GLRX5: variants seen among roughly 807,000 people sequenced by gnomAD.
The protein encoded by GLRX5 is glutaredoxin 5.
GLRX5 carries 10 observed loss-of-function variants against 13.8 expected under a neutral mutation model. That is an observed-to-expected ratio of 0.72 (90% CI 0.45 to 1.23). The LOEUF (loss-of-function observed/expected upper bound fraction) is 1.23. GLRX5 is among the 50% of genes most tolerant of loss of function. The pLI is 0.00. For missense variants in GLRX5, 233 were observed against 215.2 expected (o/e 1.08, Z -0.52); for synonymous variants, 98 against 101.1 (o/e 0.97, Z 0.18).
At chr14:95,537,608 C>T (rs774721961) in intron 1 of GLRX5, among the ~76,000 whole-genome samples, 6 of 152,180 alleles carry the variant, frequency 3.9e-5, no homozygotes, top group Non-Finnish European at 7.3e-5. Flanking sequence ...ACGGGCTGTC[C>T]GATGCTTGCT....
chr14:95,544,019 A>G lies in GLRX5; in HGVS notation c.368A>G (p.Asp123Gly), dbSNP rs748991738. The change falls in exon 2 of 2, where the codon GAC becomes GGC. Residue 123 changes from aspartate (D) to glycine (G), a missense_variant. Physicochemically the swap from Asp to Gly is moderately conservative, Grantham distance 94. Transcript: ENST00000331334. Reference sequence around the variant, plus strand: ...AATGGCGAGTTTGTAGGGGGCTGTGACATTCTTCTGCAGATGCACCAGAAT... The same window carrying G: ...AATGGCGAGTTTGTAGGGGGCTGTGGCATTCTTCTGCAGATGCACCAGAAT... Reference protein sequence around the residue: ...YLNGEFVGGCDILLQMHQNGD... With the variant: ...YLNGEFVGGCGILLQMHQNGD... 16 of 1,613,742 alleles carry G rather than the reference A, an allele frequency of 9.9e-6. No homozygotes were observed. Among genetic ancestry groups the G allele is most frequent in the Non-Finnish European group, 1.4e-5 (16 of 1,179,612 alleles).
At chr14:95,535,921 C>T (rs1440009195) in intron 1 of GLRX5, among the ~76,000 whole-genome samples, 2 of 152,128 alleles carry the variant, frequency 1.3e-5, no homozygotes, top group Non-Finnish European at 2.9e-5. Flanking sequence ...GCTCACGGCT[C>T]AGGGTGTCAA....
intron 1 of GLRX5, among the ~76,000 whole-genome samples, chr14:95,536,893 A>G (rs1416306580): frequency 6.6e-6 from 1 of 152,120 alleles, no homozygotes; most frequent in Non-Finnish European, 1.5e-5. Flanking sequence ...ATTACCACGT[A>G]TATGTAATAT....
intron 1 of GLRX5, among the ~76,000 whole-genome samples, chr14:95,535,653 C>T (rs1371156751): frequency 4.6e-5 from 7 of 152,226 alleles, no homozygotes; most frequent in Non-Finnish European, 7.3e-5. Context: ...GTTCACTTAT[C>T]CTCACTTCGA....
intron 1 of GLRX5, among the ~76,000 whole-genome samples, chr14:95,537,258 T>C (rs1282997209): frequency 6.6e-6 from 1 of 152,256 alleles, no homozygotes; most frequent in Non-Finnish European, 1.5e-5. Flanking sequence ...AATACGAATA[T>C]GTACTGATAA....
At chr14:95,537,999 A>G (rs541579052) in intron 1 of GLRX5, among the ~76,000 whole-genome samples, 10 of 152,254 alleles carry the variant, frequency 6.6e-5, no homozygotes, top group African/African-American at 2.4e-4. Flanking sequence ...ACTTATGCTC[A>G]TGGAAGCAAT....
At chr14:95,538,689 A>C (rs181955626) in intron 1 of GLRX5, among the ~76,000 whole-genome samples, 2 of 152,218 alleles carry the variant, frequency 1.3e-5, no homozygotes, top group Non-Finnish European at 2.9e-5. Flanking sequence ...GGGATCTGCA[A>C]ACTTACCCTA....
intron 1 of GLRX5, among the ~76,000 whole-genome samples, chr14:95,538,281 A>G (rs1891414872): frequency 6.6e-6 from 1 of 152,368 alleles, no homozygotes; most frequent in Non-Finnish European, 1.5e-5. Context: ...TTATATTGCA[A>G]ACTCTGCGGC....
chr14:95,538,659 A>AAGT (rs1433237864), intron 1 of GLRX5, among the ~76,000 whole-genome samples: 17 of 152,296 alleles, frequency 1.1e-4, no homozygotes, highest in African/African-American at 3.9e-4. Context: ...CGTGACTCCT[A>AAGT]GGTATATATT....
chr14:95,543,085 A>C (rs552357379), intron 1 of GLRX5: 2 of 456,074 alleles, frequency 4.4e-6, no homozygotes, highest in Non-Finnish European at 8.8e-6. Context: ...GACTGATCAC[A>C]TGCATGCTGG....
intron 1 of GLRX5, among the ~76,000 whole-genome samples, chr14:95,541,969 A>G (rs1891481067): frequency 6.6e-6 from 1 of 152,220 alleles, no homozygotes; most frequent in Admixed American, 6.5e-5. Context: ...CATGCACATA[A>G]ATGATTCATT....
chr14:95,535,517 C>A, intron 1 of GLRX5, 133 bp downstream of exon 1: 1 of 842,030 alleles, frequency 1.2e-6, no homozygotes, highest in Non-Finnish European at 1.9e-6. Flanking sequence ...AGGTTCGAGC[C>A]GGGTTAGGGC....
chr14:95,537,141 TATC>T (rs1406388739), intron 1 of GLRX5, among the ~76,000 whole-genome samples: 1 of 152,260 alleles, frequency 6.6e-6, no homozygotes, highest in African/African-American at 2.4e-5. Context: ...TCTCGCTTAG[TATC>T]ATGTTTCGAG....
chr14:95,538,318 C>T (rs938695048), intron 1 of GLRX5, among the ~76,000 whole-genome samples: 9 of 152,106 alleles, frequency 5.9e-5, no homozygotes, highest in Non-Finnish European at 1.0e-4. Context: ...ACATTTGCTG[C>T]CGATTTAGAT....
intron 1 of GLRX5, chr14:95,543,214 G>A (rs1454139380): frequency 1.3e-5 from 6 of 455,894 alleles, no homozygotes; most frequent in Admixed American, 4.7e-5. Flanking sequence ...CAGTCACTTC[G>A]GGTTCTGCAC....
intron 1 of GLRX5, among the ~76,000 whole-genome samples, chr14:95,540,921 T>C (rs559644113): frequency 2.2e-4 from 33 of 152,358 alleles, no homozygotes; most frequent in Admixed American, 1.4e-3. Context: ...TCTTTCTGGG[T>C]TGATACTTTG....
intron 1 of GLRX5, among the ~76,000 whole-genome samples, chr14:95,539,761 C>T (rs1316158624): frequency 6.6e-6 from 1 of 152,124 alleles, no homozygotes; most frequent in Non-Finnish European, 1.5e-5. Context: ...TTAGTTTCTT[C>T]ATCTTATGTA....
chr14:95,540,729 AT>A (rs1302756495), intron 1 of GLRX5, among the ~76,000 whole-genome samples: 2 of 152,368 alleles, frequency 1.3e-5, no homozygotes, highest in East Asian at 3.9e-4. Context: ...CTCATATCAG[AT>A]TCTGAAGCTA....
intron 1 of GLRX5, among the ~76,000 whole-genome samples, chr14:95,539,117 G>T (rs1280353916): frequency 6.6e-6 from 1 of 152,216 alleles, no homozygotes; most frequent in African/African-American, 2.4e-5. Context: ...AGGAATCTAG[G>T]TTGTGCGTTC....
Sources: gnomAD v4.1 joint callset for allele counts (sites outside exome capture counted in the v4.1 genomes callset) on GRCh38, gnomAD v4.1.1 for gene constraint, MANE v1.5 for transcripts, NCBI Gene and HGNC (gene_info 2026-07-23, HGNC 2026-07-21) for gene names.